Variants in HLA-DPA1 observed in about 807,000 individuals in gnomAD.
HLA-DPA1 encodes HLA class II histocompatibility antigen, DP alpha 1 chain.
Under a neutral mutation model 21.5 loss-of-function variants are expected in HLA-DPA1, and 20 were observed. The observed-to-expected ratio is 0.93, with a 90% confidence interval of 0.66 to 1.35. The LOEUF (loss-of-function observed/expected upper bound fraction) is 1.35, where lower values mean the gene tolerates loss of function less well. Among genes scored for constraint, HLA-DPA1 ranks in the 40% most tolerant of loss-of-function variants. The pLI is 0.00. For missense variants in HLA-DPA1, 279 were observed against 323.0 expected, an observed-to-expected ratio of 0.86 and a Z score of 1.05; for synonymous variants, 123 against 129.6, an observed-to-expected ratio of 0.95 and a Z score of 0.35.
exon 6 of HLA-DPA1, chr6:33,065,245 A>G (rs3077): frequency 0.29 from 44,101 of 152,222 alleles, 8,455 homozygotes; most frequent in East Asian, 0.69. Context: ...CAGCCACTGG[A>G]GTAGTTTTCA....
At chr6:33,072,450 G>A (rs975276023) in intron 2 of HLA-DPA1, among the ~76,000 whole-genome samples, 25 of 152,336 alleles carry the variant, frequency 1.6e-4, no homozygotes, top group African/African-American at 6.0e-4. Flanking sequence ...AGCTCATTAG[G>A]AATTTCTACC....
chr6:33,076,727 G>A (rs564492211), intron 1 of HLA-DPA1, among the ~76,000 whole-genome samples: 3 of 152,250 alleles, frequency 2.0e-5, no homozygotes, highest in African/African-American at 7.2e-5. Flanking sequence ...GTACTAGAGT[G>A]GGTTGCGACT....
chr6:33,072,122 G>C (rs66640614), intron 2 of HLA-DPA1, among the ~76,000 whole-genome samples: 13,910 of 151,920 alleles, frequency 0.092, 1,570 homozygotes, highest in East Asian at 0.56. Flanking sequence ...AATAAGGACA[G>C]GGTAGTTCAT....
chr6:33,076,089 G>A (rs1211308370), intron 1 of HLA-DPA1: 2 of 1,612,474 alleles, frequency 1.2e-6, no homozygotes, highest in Non-Finnish European at 1.7e-6. Context: ...TGGCTCTGAC[G>A]GCGTTACTGA....
intron 1 of HLA-DPA1, chr6:33,079,629 A>G: frequency 2.1e-6 from 1 of 467,092 alleles, no homozygotes; most frequent in South Asian, 1.6e-5. Context: ...AACATTGCTT[A>G]TGGGAGCAAC....
In HLA-DPA1 at chr6:33,080,095, T is replaced by A. The variant is rs1178994847; in HGVS notation, c.-100+585A>T. Among the ~76,000 whole-genome samples the A allele has an allele frequency of 2.6e-5, 4 of 152,310 alleles. No homozygotes were observed. In the East Asian group the frequency reaches 7.7e-4, roughly 29 times the overall value. ...CTTATACCAAAGTTGAAGAAAGTTT[T>A]AAGAAATATATTTCTACATCTCCTA... On this transcript the variant is annotated intron_variant, in intron 1 of 5. Transcript: ENST00000419277. This position sits in a 1 kb window ranked among gnomAD's most constrained non-coding sequence, Gnocchi z 4.3.
chr6:33,070,797 A>G (rs969885771), intron 2 of HLA-DPA1, among the ~76,000 whole-genome samples: 2 of 152,206 alleles, frequency 1.3e-5, no homozygotes, highest in Non-Finnish European at 2.9e-5. Context: ...AGATTATTTC[A>G]TCACACAGGT....
chr6:33,075,294 T>C (rs1223141140), intron 1 of HLA-DPA1, among the ~76,000 whole-genome samples: 1 of 152,196 alleles, frequency 6.6e-6, no homozygotes, highest in Non-Finnish European at 1.5e-5. Context: ...AGACAAGGAA[T>C]CGAAGTCCAA....
intron 4 of HLA-DPA1, 103 bp downstream of exon 3, chr6:33,068,916 G>T: frequency 6.5e-7 from 1 of 1,531,002 alleles, no homozygotes; most frequent in Non-Finnish European, 8.9e-7. Context: ...TTAGGACGAG[G>T]AGAGGACTGA....
At chr6:33,067,089 G>A (rs1172953538) in intron 5 of HLA-DPA1, 3 of 152,204 alleles carry the variant, frequency 2.0e-5, no homozygotes, top group Non-Finnish European at 2.9e-5. Context: ...ATGCAGGTCA[G>A]GCCCACATGT....
At chr6:33,074,369 G>C (rs1762434104) in intron 1 of HLA-DPA1, among the ~76,000 whole-genome samples, 1 of 152,052 alleles carries the variant, frequency 6.6e-6, no homozygotes, top group Non-Finnish European at 1.5e-5. Flanking sequence ...ATTACCTGTG[G>C]TAACAATGTG....
intron 1 of HLA-DPA1, among the ~76,000 whole-genome samples, chr6:33,074,417 C>T (rs1354358682): frequency 6.6e-6 from 1 of 152,084 alleles, no homozygotes; most frequent in Non-Finnish European, 1.5e-5. Context: ...AAGGGTTTCT[C>T]TAATGTTTTT....
intron 5 of HLA-DPA1, chr6:33,066,853 A>G (rs1385787874): frequency 1.3e-5 from 2 of 152,240 alleles, no homozygotes; most frequent in South Asian, 2.1e-4. Flanking sequence ...AATGCAAAAT[A>G]AAACAGCATA....
Position 33,074,653 on chromosome 6 carries a change from A to G in HLA-DPA1, c.-99-984T>C, listed in dbSNP as rs143729931. ...CCTTGCATAAATAATAATTACTAAC[A>G]GATTAGGACATGAGAGATTCTGTTA... On this transcript the variant is annotated intron_variant, in intron 1 of 5. Transcript: ENST00000419277. Among the ~76,000 whole-genome samples the G allele has an allele frequency of 3.6e-3, 542 of 152,354 alleles. 3 individuals carry two copies. The highest frequency in any genetic ancestry group is 0.026 in the East Asian group (133 of 5,192).
chr6:33,076,198 A>T, intron 1 of HLA-DPA1: 1 of 1,204,564 alleles, frequency 8.3e-7, no homozygotes, highest in Non-Finnish European at 1.2e-6. Context: ...TTCCTAGGGG[A>T]CGTTATCTTT....
intron 2 of HLA-DPA1, among the ~76,000 whole-genome samples, chr6:33,070,453 TG>T (rs1410885237): frequency 2.6e-5 from 4 of 151,938 alleles, no homozygotes; most frequent in Non-Finnish European, 5.9e-5. Flanking sequence ...GTCATGGGGG[TG>T]GGGGAATGGA....
At chr6:33,071,903 C>T (rs927683200) in intron 2 of HLA-DPA1, among the ~76,000 whole-genome samples, 1 of 152,124 alleles carries the variant, frequency 6.6e-6, no homozygotes, top group East Asian at 1.9e-4. Context: ...AGAAATAATA[C>T]ATAGATATTT....
At chr6:33,078,134 T>G (rs1762644628) in intron 1 of HLA-DPA1, among the ~76,000 whole-genome samples, 1 of 149,616 alleles carries the variant, frequency 6.7e-6, no homozygotes, top group Non-Finnish European at 1.5e-5. Context: ...AACCCAGAGG[T>G]GGGGGAGCAG....
chr6:33,069,885 C>T (rs748965835), exon 3 of HLA-DPA1: 21 of 1,608,432 alleles, frequency 1.3e-5, no homozygotes, highest in South Asian at 3.3e-5. Context: ...ACACATGGTC[C>T]GCTGCATAAA....
Sources: allele counts gnomAD v4.1 joint callset (sites outside exome capture counted in the v4.1 genomes callset), GRCh38; gene constraint gnomAD v4.1.1; non-coding constraint Gnocchi (gnomAD v3.1); transcripts MANE v1.5; gene names NCBI Gene and HGNC (gene_info 2026-07-23, HGNC 2026-07-21).